MTUS2: variants seen among roughly 807,000 people sequenced by gnomAD.
MTUS2 encodes microtubule-associated tumor suppressor candidate 2.
Under a neutral mutation model 114.1 loss-of-function variants are expected in MTUS2, and 40 were observed. The observed-to-expected ratio is 0.35, with a 90% CI of 0.27 to 0.46. The LOEUF (loss-of-function observed/expected upper bound fraction) is 0.46, where lower values mean the gene tolerates loss of function less well. Among genes scored for constraint, MTUS2 ranks in the 20% least tolerant of loss-of-function variants. The pLI is 1.00. For synonymous variants in MTUS2, 688 were observed against 672.0 expected, an observed-to-expected ratio of 1.02 and a Z score of -0.37; for missense variants, 1,679 against 1,705.4, an observed-to-expected ratio of 0.98 and a Z score of 0.27.
intron 6 of MTUS2, among the ~76,000 whole-genome samples, chr13:29,301,088 C>A (rs4769712): frequency 0.33 from 50,295 of 151,824 alleles, 8,585 homozygotes; most frequent in Admixed American, 0.45. Context: ...TTTGGGCCCA[C>A]ACTTTGCTAA....
At chr13:29,174,748 G>T (rs967478957) in intron 5 of MTUS2, among the ~76,000 whole-genome samples, 1 of 152,116 alleles carries the variant, frequency 6.6e-6, no homozygotes, top group African/African-American at 2.4e-5. Flanking sequence ...TATAACACTT[G>T]GGTGGAATAA....
chr13:29,311,673 A>G (rs1452544958), intron 6 of MTUS2, among the ~76,000 whole-genome samples: 2 of 152,250 alleles, frequency 1.3e-5, no homozygotes, highest in Non-Finnish European at 2.9e-5. Flanking sequence ...AGTTTAAACC[A>G]TAAGCAATAG....
rs1315060468 is a variant in MTUS2 at position 29,383,242 on chromosome 13, G to GTATATATATATATATTTA, written c.3117+23770_3117+23771insATATATATATATATTTAT. Among the ~76,000 whole-genome samples, 10 of 28,618 alleles carry GTATATATATATATATTTA rather than the reference G, an allele frequency of 3.5e-4. No individual in the cohort carries two copies. The East Asian group carries it at 8.9e-3, about 26-fold the overall frequency. 18.8% of individuals were successfully genotyped at this position (28,618 alleles called of 152,430 possible). On this transcript the variant is annotated intron_variant, in intron 8 of 15. Transcript: ENST00000612955. ...AGTGTGTGTGTGTGTGTGTGTGTGT[G>GTATATATATATATATTTA]TGTGTGTGTGTATTTATTTTTCTCA... is the stretch of plus-strand genomic sequence containing the variant.
At chr13:29,439,960 G>T in intron 8 of MTUS2, 23 bp from the exon 9 acceptor site, 1 of 1,559,444 alleles carries the variant, frequency 6.4e-7, no homozygotes. Flanking sequence ...GGGGACTCTC[G>T]GTATCCGTTT....
At chr13:28,959,045 G>C (rs1255063923) in intron 2 of MTUS2, among the ~76,000 whole-genome samples, 2 of 152,158 alleles carry the variant, frequency 1.3e-5, no homozygotes, top group Non-Finnish European at 2.9e-5. Context: ...ACAGTGGTGG[G>C]GGTCCCTGGG....
intron 5 of MTUS2, among the ~76,000 whole-genome samples, chr13:29,103,732 A>G (rs1179666394): frequency 3.9e-5 from 6 of 152,246 alleles, no homozygotes; most frequent in Non-Finnish European, 2.9e-5. Flanking sequence ...TTTTCAGCTC[A>G]TTTATAATCT....
At chr13:29,440,085 T>C in intron 9 of MTUS2, 36 bp downstream of exon 9, 1 of 1,545,518 alleles carries the variant, frequency 6.5e-7, no homozygotes, top group Non-Finnish European at 8.8e-7. Context: ...GCATAAAGAA[T>C]GTCTTTTCCT....
chr13:29,204,066 T>C (rs1895079705), intron 5 of MTUS2, among the ~76,000 whole-genome samples: 1 of 151,924 alleles, frequency 6.6e-6, no homozygotes, highest in South Asian at 2.1e-4. Flanking sequence ...TTCAGGTGAT[T>C]CTCCTGCCTC....
At chr13:29,349,859 T>A (rs1309381790) in intron 7 of MTUS2, among the ~76,000 whole-genome samples, 3 of 152,182 alleles carry the variant, frequency 2.0e-5, no homozygotes, top group Non-Finnish European at 4.4e-5. Context: ...TCTTCCTGTT[T>A]TTGTGCTTGA....
chr13:28,839,880 A>G lies in MTUS2; in HGVS notation c.-243+30A>G, dbSNP rs148402392. 5 of 151,100 alleles carry G rather than the reference A, an allele frequency of 3.3e-5. No individual in the cohort carries two copies. The East Asian group carries it at 7.7e-4, about 23-fold the overall frequency. The allele number at this position is 151,100 out of a possible 1,614,324, so 9.4% of individuals were successfully genotyped here. ...GTTCATGTGGATTTCTACCTGATTT[A>G]TTATTCCATTCTATTTGGGCCTGTG... On this transcript the variant is annotated intron_variant, in intron 2 of 15. Coordinates refer to ENST00000612955, the MANE Select transcript of MTUS2 (RefSeq NM_001033602.4).
At chr13:28,821,706 G>A (rs994644293) in intron 1 of MTUS2, among the ~76,000 whole-genome samples, 17 of 152,208 alleles carry the variant, frequency 1.1e-4, no homozygotes, top group Non-Finnish European at 1.8e-4. Context: ...TGATTCTAAC[G>A]TGTAGCCAGG....
rs955911352 is a variant in MTUS2 at position 29,274,682 on chromosome 13, C to A, written c.2645-7022C>A. 4.6e-5 allele frequency among the ~76,000 whole-genome samples: 7 copies of A among 151,990 alleles called. No individual in the cohort carries two copies. In the East Asian group the frequency reaches 1.3e-3, roughly 29 times the overall value. ...TGTTTGGAGAAATGTTTATTCAAAT[C>A]CCTTTCTCATTTTTAATTGGGTTAT... On this transcript the variant is annotated intron_variant, in intron 5 of 15. Coordinates refer to ENST00000612955, the MANE Select transcript of MTUS2 (RefSeq NM_001033602.4).
chr13:29,009,539 AAT>A (rs1452887636), intron 2 of MTUS2, among the ~76,000 whole-genome samples: 3 of 152,164 alleles, frequency 2.0e-5, no homozygotes, highest in Non-Finnish European at 2.9e-5. Flanking sequence ...AAGGATGGAG[AAT>A]AGGTCATATT....
At chr13:29,158,479 A>G (rs974507716) in intron 5 of MTUS2, among the ~76,000 whole-genome samples, 5 of 149,646 alleles carry the variant, frequency 3.3e-5, no homozygotes, top group African/African-American at 1.2e-4. Flanking sequence ...GCCTGGCAGT[A>G]TCAGGACCAC....
chr13:28,982,890 G>A (rs534354504), intron 2 of MTUS2, among the ~76,000 whole-genome samples: 1 of 152,270 alleles, frequency 6.6e-6, no homozygotes, highest in East Asian at 1.9e-4. Context: ...CAACATGGGG[G>A]AATTGTTTAA....
chr13:29,411,768 G>C (rs950084942), intron 8 of MTUS2, among the ~76,000 whole-genome samples: 3 of 152,166 alleles, frequency 2.0e-5, no homozygotes, highest in Admixed American at 6.5e-5. Context: ...CTCATTTAAA[G>C]TTTTCCTCAG....
chr13:28,949,073 A>G (rs1175696500), intron 2 of MTUS2, among the ~76,000 whole-genome samples: 1 of 151,866 alleles, frequency 6.6e-6, no homozygotes, highest in East Asian at 1.9e-4. Context: ...ATAAATGTTT[A>G]AATTTTTTTT....
intron 2 of MTUS2, among the ~76,000 whole-genome samples, chr13:29,011,919 TGATGAAA>T (rs948557280): frequency 6.6e-6 from 1 of 152,228 alleles, no homozygotes; most frequent in African/African-American, 2.4e-5. Context: ...TATGAGCTTC[TGATGAAA>T]GATAAAAGAA....
intron 2 of MTUS2, among the ~76,000 whole-genome samples, chr13:28,865,019 C>T (rs1164049095): frequency 6.6e-6 from 1 of 152,118 alleles, no homozygotes. Flanking sequence ...TTTGAAATAA[C>T]ATCTAAAATT....
Sources: gnomAD v4.1 joint callset for allele counts (sites outside exome capture counted in the v4.1 genomes callset) on GRCh38, gnomAD v4.1.1 for gene constraint, MANE v1.5 for transcripts, NCBI Gene and HGNC (gene_info 2026-07-23, HGNC 2026-07-21) for gene names.